DLG2: variants seen among roughly 807,000 people sequenced by gnomAD.
DLG2 encodes the protein disks large homolog 2.
Under a neutral mutation model 132.5 loss-of-function variants are expected in DLG2, and 45 were observed. The observed-to-expected ratio is 0.34, with a 90% CI of 0.27 to 0.44. The LOEUF is 0.44. Ranked by LOEUF, DLG2 falls within the 20% of genes least tolerant of loss-of-function variation. The probability of loss-of-function intolerance (pLI) is 1.00; values close to 1 mark genes in which losing one functional copy is unlikely to be tolerated. For synonymous variants in DLG2, 424 were observed against 419.6 expected (o/e 1.01, Z -0.13); for missense variants, 1,045 against 1,196.9 (o/e 0.87, Z 1.87).
intron 6 of DLG2, among the ~76,000 whole-genome samples, chr11:85,064,900 C>G (rs1426824462): frequency 4.0e-5 from 6 of 151,592 alleles, no homozygotes; most frequent in Admixed American, 6.6e-5. Flanking sequence ...TTCTCTCTCT[C>G]TCTCTTTCTC....
At chr11:84,778,331 A>G (rs2071077044) in intron 6 of DLG2, among the ~76,000 whole-genome samples, 1 of 152,092 alleles carries the variant, frequency 6.6e-6, no homozygotes, top group Non-Finnish European at 1.5e-5. Context: ...TTATTTTTAT[A>G]CCAGTATCAT....
chr11:85,319,139 C>T (rs1345804739), intron 3 of DLG2, among the ~76,000 whole-genome samples: 1 of 151,776 alleles, frequency 6.6e-6, no homozygotes. Context: ...TAATGTGAAG[C>T]TAAGCAATTT....
At chr11:83,511,622 T>C (rs569803008) in intron 21 of DLG2, among the ~76,000 whole-genome samples, 1 of 152,288 alleles carries the variant, frequency 6.6e-6, no homozygotes, top group South Asian at 2.1e-4. Context: ...TAAGCATTGA[T>C]TGTTTTTGTC....
chr11:83,843,691 T>C (rs1052344128), intron 16 of DLG2, among the ~76,000 whole-genome samples: 2 of 152,124 alleles, frequency 1.3e-5, no homozygotes, highest in Non-Finnish European at 2.9e-5. Flanking sequence ...GAAGCCAGGA[T>C]TGTCCTCTAC....
intron 11 of DLG2, among the ~76,000 whole-genome samples, chr11:83,999,947 C>T (rs1489953058): frequency 8.2e-5 from 3 of 36,418 alleles, no homozygotes; most frequent in African/African-American, 1.3e-4. Context: ...TGTAGTGACA[C>T]TGGAAACATT....
At chr11:84,623,941 G>A (rs749705399) in intron 6 of DLG2, among the ~76,000 whole-genome samples, 1 of 152,152 alleles carries the variant, frequency 6.6e-6, no homozygotes, top group South Asian at 2.1e-4. Context: ...AAGTAGTCCA[G>A]TGATTGCAGT....
At chr11:84,733,958 T>C (rs1190413113) in intron 6 of DLG2, among the ~76,000 whole-genome samples, 1 of 152,036 alleles carries the variant, frequency 6.6e-6, no homozygotes, top group Non-Finnish European at 1.5e-5. Context: ...AGATATGTGG[T>C]ATTATTTCTG....
intron 15 of DLG2, among the ~76,000 whole-genome samples, chr11:83,927,114 C>G (rs1479024080): frequency 2.0e-5 from 3 of 152,132 alleles, no homozygotes; most frequent in Non-Finnish European, 4.4e-5. Context: ...GCAGCTTGAG[C>G]TTACGACTTG....
intron 7 of DLG2, among the ~76,000 whole-genome samples, chr11:84,271,755 T>C (rs914527537): frequency 6.6e-6 from 1 of 152,048 alleles, no homozygotes; most frequent in African/African-American, 2.4e-5. Context: ...TACTTTCCTA[T>C]TCACATTTAC....
At chr11:83,995,590 G>C (rs2093979850) in intron 11 of DLG2, among the ~76,000 whole-genome samples, 1 of 152,168 alleles carries the variant, frequency 6.6e-6, no homozygotes, top group Non-Finnish European at 1.5e-5. Flanking sequence ...CAGAGCTATA[G>C]TAACCAAAAC....
At chr11:84,537,722 G>A (rs995358402) in intron 6 of DLG2, among the ~76,000 whole-genome samples, 2 of 152,082 alleles carry the variant, frequency 1.3e-5, no homozygotes, top group African/African-American at 4.8e-5. Flanking sequence ...GTAAGGACTG[G>A]GACCACATTG....
intron 21 of DLG2, among the ~76,000 whole-genome samples, chr11:83,517,107 C>T (rs978969731): frequency 3.3e-5 from 5 of 152,170 alleles, no homozygotes; most frequent in Admixed American, 3.3e-4. Flanking sequence ...TGGATAATAT[C>T]CTGCAGAGTG....
At chr11:83,536,861 C>T (rs1429227116) in intron 20 of DLG2, among the ~76,000 whole-genome samples, 1 of 152,136 alleles carries the variant, frequency 6.6e-6, no homozygotes, top group Non-Finnish European at 1.5e-5. Context: ...AAGTGATTTG[C>T]CATTTCACAA....
At chr11:83,579,562 A>C (rs1057005486) in intron 19 of DLG2, among the ~76,000 whole-genome samples, 4 of 152,244 alleles carry the variant, frequency 2.6e-5, no homozygotes, top group African/African-American at 9.6e-5. Context: ...AAAGCTCTTT[A>C]ATAAGCATGT....
At chr11:85,151,933 C>T (rs982183987) in intron 5 of DLG2, among the ~76,000 whole-genome samples, 1 of 152,176 alleles carries the variant, frequency 6.6e-6, no homozygotes, top group African/African-American at 2.4e-5. Context: ...CATATAGAGA[C>T]AAAGGGATTC....
intron 9 of DLG2, among the ~76,000 whole-genome samples, chr11:84,134,756 G>A (rs1482540229): frequency 6.6e-6 from 1 of 151,748 alleles, no homozygotes; most frequent in African/African-American, 2.4e-5. Context: ...TTGAAATGGA[G>A]ACTGTTTTTA....
intron 7 of DLG2, among the ~76,000 whole-genome samples, chr11:84,438,725 T>G (rs1316963304): frequency 6.6e-6 from 1 of 152,176 alleles, no homozygotes; most frequent in Non-Finnish European, 1.5e-5. Context: ...AGATAAGGTT[T>G]TAGCCCTTTG....
At chr11:84,465,054 C>T (rs754935772) in intron 7 of DLG2, among the ~76,000 whole-genome samples, 13 of 151,150 alleles carry the variant, frequency 8.6e-5, no homozygotes, top group South Asian at 2.1e-4. Flanking sequence ...AACATTAAGT[C>T]GTACTATGTA....
intron 6 of DLG2, among the ~76,000 whole-genome samples, chr11:84,717,568 C>T (rs958924511): frequency 1.3e-5 from 2 of 151,954 alleles, no homozygotes; most frequent in African/African-American, 2.4e-5. Context: ...CATAAATGTA[C>T]TTCATTTTAT....
Sources: allele counts gnomAD v4.1 joint callset (sites outside exome capture counted in the v4.1 genomes callset), GRCh38; gene constraint gnomAD v4.1.1; transcripts MANE v1.5; gene names NCBI Gene and HGNC (gene_info 2026-07-23, HGNC 2026-07-21).